The following MEF2C variants were observed in gnomAD, a reference collection of about 807,000 sequenced individuals.
MEF2C encodes myocyte enhancer factor 2C.
A neutral mutation model predicts 50.5 loss-of-function variants in MEF2C; 6 were observed. That is an observed-to-expected ratio of 0.12 (90% CI 0.07 to 0.23). The LOEUF is 0.23. Ranked by LOEUF, MEF2C falls within the 10% of genes least tolerant of loss-of-function variation. MEF2C has a pLI of 1.00. For synonymous variants in MEF2C, 183 were observed against 228.0 expected, an observed-to-expected ratio of 0.80 and a Z score of 1.78; for missense variants, 276 against 605.0, an observed-to-expected ratio of 0.46 and a Z score of 5.70.
intron 1 of MEF2C, among the ~76,000 whole-genome samples, chr5:88,897,000 C>T (rs866218327): frequency 6.6e-6 from 1 of 151,700 alleles, no homozygotes; most frequent in African/African-American, 2.4e-5. Context: ...TTTTCCTTTG[C>T]GTTGGAAAAT....
chr5:88,731,232 G>A lies in MEF2C; in HGVS notation c.810+497C>T, dbSNP rs141200592. 2.5e-3 allele frequency among the ~76,000 whole-genome samples: 386 copies of A among 152,270 alleles called. 1 individual carries two copies. Among genetic ancestry groups the A allele is most frequent in the African/African-American group, 9.0e-3 (374 of 41,572 alleles). On this transcript the variant is annotated intron_variant, in intron 7 of 10. Coordinates refer to ENST00000504921, the MANE Select transcript of MEF2C (RefSeq NM_002397.5). Reference sequence around the variant, plus strand: ...TTGAGGCAGTGTGTAGGCATGCGATGTATTAGATATAATCATTGCAATACA... The same window carrying A: ...TTGAGGCAGTGTGTAGGCATGCGATATATTAGATATAATCATTGCAATACA...
intron 10 of MEF2C, among the ~76,000 whole-genome samples, chr5:88,723,832 T>C (rs1368261839): frequency 6.6e-6 from 1 of 152,248 alleles, no homozygotes; most frequent in Non-Finnish European, 1.5e-5. Context: ...TTTTACTGTG[T>C]TTATAATCCT....
intron 3 of MEF2C, among the ~76,000 whole-genome samples, chr5:88,784,979 T>C (rs1316254101): frequency 6.6e-6 from 1 of 152,084 alleles, no homozygotes; most frequent in African/African-American, 2.4e-5. Flanking sequence ...GGGGCCAACA[T>C]GCAAGACGAC....
intron 10 of MEF2C, among the ~76,000 whole-genome samples, chr5:88,723,269 T>C (rs1050564110): frequency 1.3e-5 from 2 of 152,376 alleles, no homozygotes; most frequent in Admixed American, 6.5e-5. Flanking sequence ...ATCCCTAGAC[T>C]AGTTCTAAAA....
intron 1 of MEF2C, among the ~76,000 whole-genome samples, chr5:88,840,101 C>T (rs535598558): frequency 3.9e-5 from 6 of 152,078 alleles, no homozygotes; most frequent in Non-Finnish European, 7.4e-5. Context: ...TAATACCGTA[C>T]CCAAATTATT....
At chr5:88,732,732 T>C (rs1252040585) in intron 6 of MEF2C, among the ~76,000 whole-genome samples, 2 of 151,908 alleles carry the variant, frequency 1.3e-5, no homozygotes, top group African/African-American at 4.8e-5. Context: ...TAGGGAGGAG[T>C]TGATTACAAA....
intron 2 of MEF2C, among the ~76,000 whole-genome samples, chr5:88,818,153 C>G (rs936896471): frequency 2.0e-5 from 3 of 151,912 alleles, no homozygotes; most frequent in Non-Finnish European, 4.4e-5. Flanking sequence ...GCTAACTACC[C>G]TGATTTGATC....
chr5:88,766,310 G>T (rs1354611297), intron 3 of MEF2C, among the ~76,000 whole-genome samples: 2 of 152,100 alleles, frequency 1.3e-5, no homozygotes, highest in African/African-American at 4.8e-5. Context: ...CTCATTTCTT[G>T]TTTTAGGCAT....
chr5:88,783,163 A>G (rs895823119), intron 3 of MEF2C, among the ~76,000 whole-genome samples: 1 of 152,168 alleles, frequency 6.6e-6, no homozygotes, highest in Non-Finnish European at 1.5e-5. Flanking sequence ...TTGCTTGATG[A>G]CATGGTATCA....
chr5:88,771,706 G>A (rs777726723), intron 3 of MEF2C: 2 of 662,930 alleles, frequency 3.0e-6, no homozygotes, highest in Non-Finnish European at 3.7e-6. Context: ...AACAGTGACA[G>A]ACACTAATTC....
rs1043129533 is a variant in MEF2C at position 88,719,890 on chromosome 5, T to G, written c.*2714A>C. 7.2e-5 allele frequency: 11 copies of G among 152,230 alleles called. No individual in the cohort carries two copies. Among genetic ancestry groups the G allele is most frequent in the African/African-American group, 2.7e-4 (11 of 41,476 alleles). The allele number at this position is 152,230 out of a possible 1,614,324, so 9.4% of individuals were successfully genotyped here. A position where few individuals can be genotyped will look rare whatever the true frequency, so the allele number is the denominator to read the frequency against. ...TTCTCTTCATGTTCTTATAAAACTA[T>G]TGTCAGAACTGCTATAAATAGCCAA... On this transcript the variant is annotated 3_prime_UTR_variant, in exon 11 of 11. Coordinates refer to ENST00000504921, the MANE Select transcript of MEF2C (RefSeq NM_002397.5).
chr5:88,760,834 A>T (rs1390896732), intron 4 of MEF2C, among the ~76,000 whole-genome samples: 1 of 152,146 alleles, frequency 6.6e-6, no homozygotes, highest in Non-Finnish European at 1.5e-5. Context: ...AGCATCCTTT[A>T]GGGTTTGCTT....
chr5:88,879,833 C>A (rs1420954466), intron 1 of MEF2C, among the ~76,000 whole-genome samples: 2 of 152,114 alleles, frequency 1.3e-5, no homozygotes, highest in Non-Finnish European at 2.9e-5. Context: ...GTATGCTTAT[C>A]TAAGCAATCA....
At chr5:88,813,199 A>T (rs1316669542) in intron 2 of MEF2C, among the ~76,000 whole-genome samples, 1 of 151,884 alleles carries the variant, frequency 6.6e-6, no homozygotes, top group Non-Finnish European at 1.5e-5. Context: ...GGCACAAACT[A>T]GTTCTATATT....
chr5:88,763,645 ATTCT>A (rs539798314), intron 3 of MEF2C, among the ~76,000 whole-genome samples: 103 of 151,510 alleles, frequency 6.8e-4, no homozygotes, highest in African/African-American at 2.0e-3. Context: ...TGTTAAAAAT[ATTCT>A]TTCTTTCTTT....
At chr5:88,803,025 T>G (rs969858787) in intron 3 of MEF2C, among the ~76,000 whole-genome samples, 9 of 152,208 alleles carry the variant, frequency 5.9e-5, no homozygotes, top group African/African-American at 2.2e-4. Context: ...TAAATAGTTG[T>G]TTTGTTTTCT....
chr5:88,850,677 GAC>G (rs201577468), intron 1 of MEF2C, among the ~76,000 whole-genome samples: 135 of 151,348 alleles, frequency 8.9e-4, no homozygotes, highest in African/African-American at 3.1e-3. Flanking sequence ...TGATCTCTAT[GAC>G]ACACACACAC....
chr5:88,864,659 A>G (rs1391300161), intron 1 of MEF2C, among the ~76,000 whole-genome samples: 2 of 152,098 alleles, frequency 1.3e-5, no homozygotes, highest in Non-Finnish European at 2.9e-5. Context: ...TGGCACTACT[A>G]TAGCTCAGCA....
intron 1 of MEF2C, among the ~76,000 whole-genome samples, chr5:88,842,559 T>C (rs1817768397): frequency 1.3e-5 from 2 of 149,254 alleles, no homozygotes; most frequent in African/African-American, 5.0e-5. Context: ...AAAAGAGAAA[T>C]TATACAGTGA....
Sources: gnomAD v4.1 joint callset for allele counts (sites outside exome capture counted in the v4.1 genomes callset) on GRCh38, gnomAD v4.1.1 for gene constraint, MANE v1.5 for transcripts, NCBI Gene and HGNC (gene_info 2026-07-23, HGNC 2026-07-21) for gene names.